PLA2G6: variants seen among roughly 807,000 people sequenced by gnomAD.
PLA2G6 encodes phospholipase A2 group VI.
In PLA2G6, 62 loss-of-function variants were observed where a neutral mutation model predicts 83.8. The observed-to-expected ratio is 0.74, with a 90% confidence interval of 0.60 to 0.91. PLA2G6 has a LOEUF of 0.91. Ranked by LOEUF, PLA2G6 falls within the 40% of genes least tolerant of loss-of-function variation. PLA2G6 has a pLI of 0.00. For missense variants in PLA2G6, 944 were observed against 1,102.0 expected (o/e 0.86, Z 2.03); for synonymous variants, 417 against 449.8 (o/e 0.93, Z 0.92).
At chr22:38,147,772 G>A (rs550371139) in intron 2 of PLA2G6, 3 of 152,058 alleles carry the variant, frequency 2.0e-5, no homozygotes, top group Admixed American at 1.3e-4. Context: ...GGCTGGTCTC[G>A]AACTCCTCAC....
Position 38,112,045 on chromosome 22 carries a change from T to C in PLA2G6, c.*116A>G. 8.1e-7 allele frequency: 1 copy of C among 1,233,766 alleles called. No individual in the cohort carries two copies. Among genetic ancestry groups the C allele is most frequent in the Admixed American group, 2.0e-5 (1 of 50,462 alleles). The allele number at this position is 1,233,766 out of a possible 1,614,324, so 76.4% of individuals were successfully genotyped here. ...CAGCTTGGCATTCTCCCAGGCCTGGTCTATGGACTCAGAGGTGCCTGGGCC... is the reference window on the plus strand; with the variant it reads ...CAGCTTGGCATTCTCCCAGGCCTGGCCTATGGACTCAGAGGTGCCTGGGCC... On this transcript the variant is annotated 3_prime_UTR_variant, in exon 17 of 17. Transcript: ENST00000332509.
At position 38,134,974 on chromosome 22, in the gene PLA2G6, C is replaced by CAAA; in HGVS notation, c.894+13_894+14insTTT. On this transcript the variant is annotated intron_variant, in intron 6 of 16. Coordinates refer to ENST00000332509, the MANE Select transcript of PLA2G6 (RefSeq NM_003560.4). The stretch of plus-strand genomic sequence containing the variant: ...GGCCCCCTGCCCCACCCACCCACCT[C>CAAA]AGGATCCACTCACCTCTGCGTTCTT... 3 of 1,218,858 alleles carry CAAA rather than the reference C, an allele frequency of 2.5e-6. No individual in the cohort carries two copies. The highest frequency in any genetic ancestry group is 2.4e-6 in the Non-Finnish European group (2 of 829,702). 75.5% of individuals were successfully genotyped at this position (1,218,858 alleles called of 1,614,324 possible). A position where few individuals can be genotyped will look rare whatever the true frequency, so the allele number is the denominator to read the frequency against.
At chr22:38,127,268 G>T in intron 9 of PLA2G6, 1 of 1,235,558 alleles carries the variant, frequency 8.1e-7, no homozygotes. Context: ...CAGAAGAGTG[G>T]CTGAGAGAGG....
chr22:38,180,086 C>T (rs543226588), intron 1 of PLA2G6, among the ~76,000 whole-genome samples: 3 of 151,990 alleles, frequency 2.0e-5, no homozygotes, highest in South Asian at 2.1e-4. Flanking sequence ...ACTACGGCCC[C>T]TTACTCCTTG....
chr22:38,155,226 C>CAA (rs879711542), intron 2 of PLA2G6, among the ~76,000 whole-genome samples: 1 of 114,600 alleles, frequency 8.7e-6, no homozygotes. Context: ...GACTCCATCT[C>CAA]AAAAAAAAAA....
chr22:38,158,969 C>A (rs367549137), intron 2 of PLA2G6, among the ~76,000 whole-genome samples: 1 of 151,670 alleles, frequency 6.6e-6, no homozygotes, highest in East Asian at 1.9e-4. Context: ...GAGGCCGAGG[C>A]GGGTGGATCA....
At position 38,120,772 on chromosome 22, in the gene PLA2G6, C is replaced by A; in HGVS notation, c.1729G>T (p.Val577Phe). 1 of 1,613,762 alleles carries A rather than the reference C, an allele frequency of 6.2e-7. No homozygotes were observed. The highest frequency in any genetic ancestry group is 8.5e-7 in the Non-Finnish European group (1 of 1,180,036). ...EFGEHTKMTD[V>F]RKPKVMLTGT... is the part of the protein sequence containing the mutation. The stretch of plus-strand genomic sequence containing the variant: ...GCCAGGGCTTACTTGGGTTTCCTGA[C>A]GTCCGTCATCTTGGTGTGCTCCCCA... The change falls in exon 12 of 17, where the codon GTC (valine) becomes TTC (phenylalanine). Residue 577 changes from valine (V) to phenylalanine (F), a missense_variant. By Grantham distance (50) the Val-to-Phe change is conservative. Coordinates refer to ENST00000332509, the MANE Select transcript of PLA2G6 (RefSeq NM_003560.4).
Position 38,113,650 on chromosome 22 carries a change from T to A in PLA2G6, c.2039A>T (p.Gln680Leu). 6.2e-7 allele frequency: 1 copy of A among 1,613,638 alleles called. No homozygotes were observed. The highest frequency in any genetic ancestry group is 8.5e-7 in the Non-Finnish European group (1 of 1,179,968). ...GGAGAGTTTCTTCACCTTGTTGGCCTGACCCTGTTGGGAACAGGACAGGGG... is the reference window on the plus strand; with the variant it reads ...GGAGAGTTTCTTCACCTTGTTGGCCAGACCCTGTTGGGAACAGGACAGGGG... ...EYNQDLIRKG[Q>L]ANKVKKLSIV... The change falls in exon 15 of 17, where the codon CAG (glutamine) becomes CTG (leucine). Residue 680 changes from glutamine (Q) to leucine (L), a missense_variant. Gln to Leu is a moderately radical substitution (Grantham distance 113, BLOSUM62 -2). Transcript: ENST00000332509.
intron 11 of PLA2G6, 147 bp downstream of exon 11, chr22:38,122,948 C>T: frequency 3.8e-6 from 3 of 797,054 alleles, no homozygotes; most frequent in Admixed American, 2.2e-5. Flanking sequence ...ACCTCAGCAC[C>T]TGCAGCCCCG....
At chr22:38,168,711 G>T (rs1226081969) in intron 2 of PLA2G6, among the ~76,000 whole-genome samples, 1 of 152,162 alleles carries the variant, frequency 6.6e-6, no homozygotes, top group African/African-American at 2.4e-5. Context: ...TCAGCTGGGC[G>T]TGGTGGTGGG....
rs1421757133 is a variant in PLA2G6, at chr22:38,127,151, GC to G, written c.1349-703del. On this transcript the variant is annotated intron_variant, in intron 9 of 16. Transcript: ENST00000332509. Reference sequence around the variant, plus strand: ...AGCCCGCGTGACCCCAACTCTGACAGCCCCCCACCACTGTGCAGAGTCTAGA... The same window carrying G: ...AGCCCGCGTGACCCCAACTCTGACAGCCCCCACCACTGTGCAGAGTCTAGA... 12 of 1,141,464 alleles carry G rather than the reference GC, an allele frequency of 1.1e-5. No individual in the cohort carries two copies. The Admixed American group carries it at 1.1e-4, about 11-fold the overall frequency. 70.7% of individuals were successfully genotyped at this position (1,141,464 alleles called of 1,614,324 possible).
At chr22:38,152,668 TA>T (rs2089614142) in intron 2 of PLA2G6, among the ~76,000 whole-genome samples, 2 of 152,158 alleles carry the variant, frequency 1.3e-5, no homozygotes, top group Admixed American at 1.3e-4. Context: ...TACTCAGACT[TA>T]GGTATTCCTT....
At chr22:38,172,826 C>G (rs738321) in intron 1 of PLA2G6, among the ~76,000 whole-genome samples, 60,394 of 152,172 alleles carry the variant, frequency 0.4, 12,263 homozygotes, top group South Asian at 0.49. Context: ...TCGTCAATGG[C>G]CCAGCCTGTG....
At chr22:38,124,157 A>G (rs926657888) in intron 10 of PLA2G6, among the ~76,000 whole-genome samples, 11 of 151,792 alleles carry the variant, frequency 7.2e-5, no homozygotes, top group Non-Finnish European at 1.0e-4. Context: ...TTATTTATTT[A>G]TAGAGACAGG....
intron 1 of PLA2G6, among the ~76,000 whole-genome samples, chr22:38,178,669 G>A (rs985137379): frequency 6.6e-6 from 1 of 151,960 alleles, no homozygotes; most frequent in African/African-American, 2.4e-5. Flanking sequence ...GTTCAAGACC[G>A]GCCTGGCCAA....
At chr22:38,152,398 G>T (rs186669991) in intron 2 of PLA2G6, among the ~76,000 whole-genome samples, 1,683 of 149,448 alleles carry the variant, frequency 0.011, 12 homozygotes, top group Non-Finnish European at 0.019. Context: ...TAGAGACAGG[G>T]TTTCTCCATG....
Position 38,145,435 on chromosome 22 carries a change from C to T in PLA2G6, c.425+3G>A. 6.2e-7 allele frequency: 1 copy of T among 1,602,676 alleles called. No individual in the cohort carries two copies. ...GTCCAAATGGTCTTGTTCCCTTGCT[C>T]ACCTGATGATACGGCTGTGATGGAA... On this transcript the variant is annotated splice_donor_region_variant and intron_variant, in intron 3 of 16. Transcript: ENST00000332509.
rs764957976 is a variant in PLA2G6, at chr22:38,140,099, G to A, written c.680C>T (p.Ala227Val). The change falls in exon 5 of 17, where the codon GCC (alanine) becomes GTC (valine). Residue 227 changes from alanine to valine, a missense_variant. By Grantham distance (64) the Ala-to-Val change is moderately conservative. Transcript: ENST00000332509. ...NNQGLTPLHL[A>V]CQLGKQEMVR... ...CATCTCCTGCTTCCCCAGCTGGCAG[G>A]CCAGGTGCAGCGGGGTCAGCCCTTG... The A allele has an allele frequency of 4.3e-6, 7 of 1,614,064 alleles. No individual in the cohort carries two copies. Among genetic ancestry groups the A allele is most frequent in the Admixed American group, 1.7e-5 (1 of 60,024 alleles).
At chr22:38,125,161 T>TGTGC (rs931358887) in intron 10 of PLA2G6, among the ~76,000 whole-genome samples, 3 of 152,190 alleles carry the variant, frequency 2.0e-5, no homozygotes, top group African/African-American at 7.2e-5. Flanking sequence ...TGGGTGTCCA[T>TGTGC]GTGCATGCAT....
Sources: allele counts gnomAD v4.1 joint callset (sites outside exome capture counted in the v4.1 genomes callset), GRCh38; gene constraint gnomAD v4.1.1; transcripts MANE v1.5; gene names NCBI Gene and HGNC (gene_info 2026-07-23, HGNC 2026-07-21).